The following DAPK1 variants were observed in gnomAD, a reference collection of about 807,000 sequenced individuals.
DAPK1 encodes the protein death associated protein kinase 1, also known as death-associated protein kinase 1.
In DAPK1, 56 loss-of-function variants were observed where a neutral mutation model predicts 144.9. The ratio of observed to expected loss-of-function variants is 0.39; its 90% CI spans 0.31 to 0.48. DAPK1 has a LOEUF of 0.48. Among genes scored for constraint, DAPK1 ranks in the 20% least tolerant of loss-of-function variants. The pLI is 0.95. For missense variants in DAPK1, 1,454 were observed against 1,875.4 expected, an observed-to-expected ratio of 0.78 and a Z score of 4.15; for synonymous variants, 690 against 749.0, an observed-to-expected ratio of 0.92 and a Z score of 1.29.
intron 13 of DAPK1, 148 bp from the exon 14 acceptor site, chr9:87,647,157 A>G (rs1194721307): frequency 1.5e-6 from 1 of 686,516 alleles, no homozygotes; most frequent in Non-Finnish European, 2.6e-6. Flanking sequence ...AAAGGTGTAA[A>G]ATAGAATGAG....
intron 18 of DAPK1, among the ~76,000 whole-genome samples, chr9:87,660,907 C>T (rs548751635): frequency 6.6e-6 from 1 of 152,190 alleles, no homozygotes; most frequent in Non-Finnish European, 1.5e-5. Context: ...TGCAGTGAGG[C>T]AATCTCGGCT....
At chr9:87,510,150 C>T (rs146550227) in intron 2 of DAPK1, among the ~76,000 whole-genome samples, 14 of 152,280 alleles carry the variant, frequency 9.2e-5, no homozygotes, top group Admixed American at 3.3e-4. Context: ...TCAGTCTGTG[C>T]GTTCCTCCCC....
intron 2 of DAPK1, among the ~76,000 whole-genome samples, chr9:87,602,302 C>T (rs1473549044): frequency 6.6e-6 from 1 of 152,176 alleles, no homozygotes; most frequent in Non-Finnish European, 1.5e-5. Context: ...CAGCTCTTAT[C>T]CCCTCCTCAC....
intron 2 of DAPK1, among the ~76,000 whole-genome samples, chr9:87,573,034 C>G (rs576937326): frequency 1.2e-4 from 19 of 152,306 alleles, no homozygotes; most frequent in African/African-American, 4.3e-4. Flanking sequence ...ATACAAAACA[C>G]TGAGCAAACT....
intron 3 of DAPK1, among the ~76,000 whole-genome samples, chr9:87,636,949 G>GT (rs967643475): frequency 4.2e-4 from 64 of 152,284 alleles, no homozygotes; most frequent in African/African-American, 1.5e-3. Flanking sequence ...GCCTGGCTCT[G>GT]GCGGGGAGTG....
intron 21 of DAPK1, among the ~76,000 whole-genome samples, chr9:87,691,969 A>C (rs1027768161): frequency 3.3e-5 from 5 of 152,206 alleles, no homozygotes; most frequent in African/African-American, 1.2e-4. Flanking sequence ...CTGTTGGATA[A>C]AATGTTCTGT....
intron 2 of DAPK1, among the ~76,000 whole-genome samples, chr9:87,583,779 C>T (rs1309486789): frequency 6.6e-6 from 1 of 152,198 alleles, no homozygotes; most frequent in Non-Finnish European, 1.5e-5. Context: ...ACTAGTCCAC[C>T]CTTTCCACCA....
At chr9:87,509,987 G>C (rs1368043085) in intron 2 of DAPK1, among the ~76,000 whole-genome samples, 1 of 152,202 alleles carries the variant, frequency 6.6e-6, no homozygotes, top group Non-Finnish European at 1.5e-5. Flanking sequence ...GGACTAAACA[G>C]AATATATTTA....
chr9:87,580,906 C>G (rs940716925), intron 2 of DAPK1, among the ~76,000 whole-genome samples: 12 of 152,156 alleles, frequency 7.9e-5, no homozygotes, highest in Admixed American at 4.6e-4. Context: ...AATGTTTGAT[C>G]ATTATTTTAA....
intron 3 of DAPK1, among the ~76,000 whole-genome samples, chr9:87,628,638 G>A (rs1452739017): frequency 1.3e-5 from 2 of 152,194 alleles, no homozygotes; most frequent in Non-Finnish European, 2.9e-5. Context: ...GGAGCATTGA[G>A]TTGTAGTTCT....
At chr9:87,607,945 A>G (rs1479505878) in intron 3 of DAPK1, among the ~76,000 whole-genome samples, 3 of 152,132 alleles carry the variant, frequency 2.0e-5, no homozygotes, top group Admixed American at 1.3e-4. Flanking sequence ...ATGGCTGGGG[A>G]GGCCTCAGGA....
intron 2 of DAPK1, among the ~76,000 whole-genome samples, chr9:87,578,401 C>G (rs1027124457): frequency 1.3e-5 from 2 of 152,216 alleles, no homozygotes; most frequent in African/African-American, 4.8e-5. Context: ...CTGTTTTCCT[C>G]TGGTGAATGT....
At chr9:87,622,766 C>T (rs1829345020) in intron 3 of DAPK1, among the ~76,000 whole-genome samples, 1 of 151,968 alleles carries the variant, frequency 6.6e-6, no homozygotes, top group Admixed American at 6.6e-5. Context: ...AAAAAATCAG[C>T]CGGGTGTGGT....
At chr9:87,566,020 CTTT>C (rs11354174) in intron 2 of DAPK1, among the ~76,000 whole-genome samples, 64 of 120,588 alleles carry the variant, frequency 5.3e-4, no homozygotes, top group Admixed American at 8.2e-4. Context: ...TCTCAGCATT[CTTT>C]TTTTTTTTTT....
intron 2 of DAPK1, among the ~76,000 whole-genome samples, chr9:87,541,533 A>C (rs1826051960): frequency 6.8e-6 from 1 of 147,810 alleles, no homozygotes; most frequent in Non-Finnish European, 1.5e-5. Context: ...TGGGCAACAG[A>C]GCAAGACTCT....
rs1004334696 is a variant in DAPK1 at position 87,550,374 on chromosome 9, CAAG to C, written c.62+51237_62+51239del. On this transcript the variant is annotated intron_variant, in intron 2 of 25. Coordinates refer to ENST00000408954, the MANE Select transcript of DAPK1 (RefSeq NM_004938.4). The stretch of plus-strand genomic sequence containing the variant: ...AATACCACAGACTGTGTAGTTCAAA[CAAG>C]AGAAATTTATTGCCTCACAGTTTGG... Among the ~76,000 whole-genome samples, 20 of 152,366 alleles carry C rather than the reference CAAG, an allele frequency of 1.3e-4. 1 individual carries two copies. The highest frequency in any genetic ancestry group is 1.0e-3 in the Admixed American group (16 of 15,308).
intron 23 of DAPK1, 85 bp downstream of exon 23, chr9:87,698,879 A>C (rs547962489): frequency 1.1e-4 from 88 of 798,332 alleles, no homozygotes; most frequent in Admixed American, 6.7e-4. Flanking sequence ...GTACAAAGGA[A>C]GTCTCATGAA....
chr9:87,597,154 A>C (rs945498464), intron 2 of DAPK1, among the ~76,000 whole-genome samples: 1 of 152,198 alleles, frequency 6.6e-6, no homozygotes, highest in East Asian at 1.9e-4. Flanking sequence ...CTTCTGCCAC[A>C]TTCTGTGGGT....
rs191238761 is a variant in DAPK1 at position 87,589,471 on chromosome 9, G to A, written c.63-15483G>A. Among the ~76,000 whole-genome samples the A allele has an allele frequency of 3.0e-4, 45 of 152,148 alleles. 3 individuals carry two copies. Among genetic ancestry groups the A allele is most frequent in the African/African-American group, 9.2e-4 (38 of 41,530 alleles). ...GGAGCACAGCACCCCTTAAACTCAC[G>A]AGGGGCTGCATTCACACCATCAGCA... On this transcript the variant is annotated intron_variant, in intron 2 of 25. Coordinates refer to ENST00000408954, the MANE Select transcript of DAPK1 (RefSeq NM_004938.4).
Sources: gnomAD v4.1 joint callset for allele counts (sites outside exome capture counted in the v4.1 genomes callset) on GRCh38, gnomAD v4.1.1 for gene constraint, MANE v1.5 for transcripts, NCBI Gene and HGNC (gene_info 2026-07-23, HGNC 2026-07-21) for gene names.